USP20: variants seen among roughly 807,000 people sequenced by gnomAD.
USP20 encodes the protein ubiquitin specific peptidase 20.
In USP20, 80 loss-of-function variants were observed where a neutral mutation model predicts 124.2. The observed-to-expected ratio is 0.64, with a 90% CI of 0.54 to 0.78. The LOEUF (loss-of-function observed/expected upper bound fraction) is 0.78, where lower values mean the gene tolerates loss of function less well. USP20 is among the 30% of genes least tolerant of loss of function. The pLI is 0.00. For missense variants in USP20, 1,043 were observed against 1,244.4 expected, an observed-to-expected ratio of 0.84 and a Z score of 2.44; for synonymous variants, 481 against 512.3, an observed-to-expected ratio of 0.94 and a Z score of 0.83.
chr9:129,868,727 G>T (rs1373010933), intron 11 of USP20, 135 bp from the exon 12 acceptor site: 6 of 1,425,142 alleles, frequency 4.2e-6, no homozygotes, highest in Non-Finnish European at 5.6e-6. Flanking sequence ...GGGGCCAGGA[G>T]TGGGCACATG....
At chr9:129,865,176 A>T in intron 9 of USP20, 127 bp from the exon 10 acceptor site, 1 of 911,802 alleles carries the variant, frequency 1.1e-6, no homozygotes. Context: ...CTGGCTGAGT[A>T]GGCCCCTCCC....
At chr9:129,853,161 C>G (rs3780700) in intron 3 of USP20, among the ~76,000 whole-genome samples, 1 of 151,674 alleles carries the variant, frequency 6.6e-6, no homozygotes, top group East Asian at 1.9e-4. Context: ...CAGCCCACCC[C>G]CGGGTAAGCA....
chr9:129,852,413 C>T (rs777281138), intron 2 of USP20, 127 bp from the exon 3 acceptor site: 58 of 730,910 alleles, frequency 7.9e-5, no homozygotes, highest in Middle Eastern at 3.9e-4. Flanking sequence ...AGCAACTTCC[C>T]TGCGTTACCA....
Position 129,863,196 on chromosome 9 carries a change from A to C in USP20, c.508A>C (p.Thr170Pro). 3 of 1,536,784 alleles carry C rather than the reference A, an allele frequency of 2.0e-6. No homozygotes were observed. Among genetic ancestry groups the C allele is most frequent in the Non-Finnish European group, 2.6e-6 (3 of 1,135,516 alleles). The change falls in exon 9 of 26, where the codon ACT becomes CCT. Residue 170 changes from threonine to proline, a missense_variant. Transcript: ENST00000372429. ...CTCCCCTGCACCCAGCCCGCCGCTG[A>C]CTCAGTTCTTCTTGGAGTGTGGCGG... ...LQALSNCPPL[T>P]QFFLECGGLV...
At position 129,869,438 on chromosome 9, in the gene USP20, G is replaced by C. The variant is rs1486279383; in HGVS notation, c.1392+13G>C. 1 of 1,611,510 alleles carries C rather than the reference G, an allele frequency of 6.2e-7. No individual in the cohort carries two copies. The highest frequency in any genetic ancestry group is 1.3e-5 in the African/African-American group (1 of 74,896). On this transcript the variant is annotated intron_variant, in intron 13 of 25. Transcript: ENST00000372429. Reference sequence around the variant, plus strand: ...CACCTGTGACCGGGTGGGTGCCCCAGGGATGGGGGGAGCTGGGCCAGGCTG... The same window carrying C: ...CACCTGTGACCGGGTGGGTGCCCCACGGATGGGGGGAGCTGGGCCAGGCTG...
chr9:129,866,835 G>C (rs1237370100), intron 10 of USP20, among the ~76,000 whole-genome samples: 1 of 152,192 alleles, frequency 6.6e-6, no homozygotes, highest in African/African-American at 2.4e-5. Context: ...GTAGATGGCA[G>C]ATTGAAAGCC....
At chr9:129,863,876 G>A (rs2033685405) in intron 9 of USP20, among the ~76,000 whole-genome samples, 1 of 152,158 alleles carries the variant, frequency 6.6e-6, no homozygotes, top group African/African-American at 2.4e-5. Flanking sequence ...GAGAGGCTGA[G>A]GCAGGTGGAT....
chr9:129,873,002 T>C (rs1298988890), intron 15 of USP20, among the ~76,000 whole-genome samples: 1 of 152,010 alleles, frequency 6.6e-6, no homozygotes, highest in Non-Finnish European at 1.5e-5. Context: ...CTTGTATGGA[T>C]TCTGGCTGTG....
Position 129,850,601 on chromosome 9 carries a change from C to G in USP20, c.-17+677C>G, listed in dbSNP as rs954027122. On this transcript the variant is annotated intron_variant, in intron 2 of 25. Transcript: ENST00000372429. Reference sequence around the variant, plus strand: ...CGTAAGGAGGAGTCTGGGGGTCCACCTCTCAGATCAGGTGGGCACACATGC... The same window carrying G: ...CGTAAGGAGGAGTCTGGGGGTCCACGTCTCAGATCAGGTGGGCACACATGC... Among the ~76,000 whole-genome samples, 3 of 152,084 alleles carry G rather than the reference C, an allele frequency of 2.0e-5. No individual in the cohort carries two copies. The South Asian group carries it at 6.2e-4, about 32-fold the overall frequency.
At chr9:129,853,578 T>G (rs966116241) in intron 3 of USP20, among the ~76,000 whole-genome samples, 1 of 152,240 alleles carries the variant, frequency 6.6e-6, no homozygotes, top group Non-Finnish European at 1.5e-5. Context: ...TCGCCTGGCC[T>G]CGCTGCACCA....
chr9:129,878,258 G>A (rs894388471), intron 22 of USP20, 80 bp from the exon 23 acceptor site: 2 of 1,144,152 alleles, frequency 1.7e-6, no homozygotes, highest in Non-Finnish European at 2.6e-6. Flanking sequence ...ACTGGGGCGG[G>A]GGCATTTGGG....
chr9:129,856,115 T>C (rs2033201552), intron 3 of USP20, among the ~76,000 whole-genome samples, 192 bp from the exon 4 acceptor site: 2 of 152,252 alleles, frequency 1.3e-5, no homozygotes, highest in South Asian at 4.1e-4. Flanking sequence ...CAGTAAAGTA[T>C]AAAGTGCTCC....
intron 13 of USP20, 62 bp downstream of exon 13, chr9:129,869,487 C>T: frequency 6.3e-7 from 1 of 1,576,226 alleles, no homozygotes; most frequent in East Asian, 2.2e-5. Context: ...CAGCTCTTGC[C>T]CTGACTGGGT....
chr9:129,858,168 C>T (rs2033315927), intron 5 of USP20, 56 bp downstream of exon 5: 2 of 1,578,304 alleles, frequency 1.3e-6, no homozygotes, highest in South Asian at 1.1e-5. Flanking sequence ...GGGGTTCAAA[C>T]CCCAGCTCCA....
intron 2 of USP20, 41 bp from the exon 3 acceptor site, chr9:129,852,499 C>A (rs1300524155): frequency 1.2e-5 from 19 of 1,541,108 alleles, no homozygotes; most frequent in Non-Finnish European, 1.7e-5. Flanking sequence ...CCTGCCAACA[C>A]TGGCTGCCAT....
At position 129,869,319 on chromosome 9, in the gene USP20, T is replaced by C. The variant is rs754644711; in HGVS notation, c.1286T>C (p.Leu429Ser). Residue 429 changes from leucine to serine, a missense_variant, in exon 13 of 26, where the codon TTG becomes TCG. Leu to Ser is a moderately radical substitution (Grantham distance 145). Coordinates refer to ENST00000372429, the MANE Select transcript of USP20 (RefSeq NM_001110303.4). ...PSYVLKKAQV[L>S]SAGSRRRKEQ... ...TGTGCTGTGTCCCCAGCCCAGGTAT[T>C]GAGTGCTGGCAGCCGGAGGCGGAAG... is the stretch of plus-strand genomic sequence containing the variant. 7.1e-5 allele frequency: 114 copies of C among 1,613,424 alleles called. No homozygotes were observed. Among genetic ancestry groups the C allele is most frequent in the Non-Finnish European group, 9.4e-5 (111 of 1,179,950 alleles).
At chr9:129,860,383 TTC>T (rs1449799166) in intron 6 of USP20, among the ~76,000 whole-genome samples, 1 of 151,526 alleles carries the variant, frequency 6.6e-6, no homozygotes, top group African/African-American at 2.4e-5. Context: ...TTAACAGCAG[TTC>T]TCTCAGGAAA....
intron 3 of USP20, among the ~76,000 whole-genome samples, chr9:129,853,675 T>C (rs997172262): frequency 2.6e-5 from 4 of 152,210 alleles, no homozygotes; most frequent in African/African-American, 9.7e-5. Context: ...ATAGCTGCTT[T>C]TGAAGTGACT....
At chr9:129,865,428 C>A in intron 10 of USP20, 47 bp downstream of exon 10, 1 of 1,601,810 alleles carries the variant, frequency 6.2e-7, no homozygotes, top group South Asian at 1.1e-5. Context: ...CATGACCCAC[C>A]AGGCCTGACT....
Sources: gnomAD v4.1 joint callset for allele counts (sites outside exome capture counted in the v4.1 genomes callset) on GRCh38, gnomAD v4.1.1 for gene constraint, MANE v1.5 for transcripts, NCBI Gene and HGNC (gene_info 2026-07-23, HGNC 2026-07-21) for gene names.